Variants in FCHSD2 observed in about 807,000 individuals in gnomAD.
FCHSD2 encodes FCH and double SH3 domains 2.
Under a neutral mutation model 108.1 loss-of-function variants are expected in FCHSD2, and 38 were observed. The ratio of observed to expected loss-of-function variants is 0.35; its 90% CI spans 0.27 to 0.46. The LOEUF is 0.46. FCHSD2 is among the 20% of genes least tolerant of loss of function. FCHSD2 has a pLI of 1.00. For synonymous variants in FCHSD2, 279 were observed against 314.7 expected (o/e 0.89, Z 1.20); for missense variants, 751 against 897.8 (o/e 0.84, Z 2.09).
chr11:72,882,727 G>A (rs530991529), intron 12 of FCHSD2, among the ~76,000 whole-genome samples: 1 of 152,258 alleles, frequency 6.6e-6, no homozygotes, highest in Non-Finnish European at 1.5e-5. Flanking sequence ...AATAAATAGA[G>A]AGACACATCA....
At chr11:72,916,400 A>G (rs1855875539) in intron 9 of FCHSD2, among the ~76,000 whole-genome samples, 1 of 150,470 alleles carries the variant, frequency 6.6e-6, no homozygotes, top group Non-Finnish European at 1.5e-5. Flanking sequence ...GCAGCTTCCA[A>G]TTCCTGGGCT....
intron 5 of FCHSD2, among the ~76,000 whole-genome samples, chr11:72,993,520 C>A (rs952943148): frequency 1.3e-5 from 2 of 152,110 alleles, no homozygotes; most frequent in African/African-American, 4.8e-5. Flanking sequence ...AAATGTCCAA[C>A]AATGATAGAC....
intron 2 of FCHSD2, among the ~76,000 whole-genome samples, chr11:73,091,497 C>T (rs1425207429): frequency 6.6e-6 from 1 of 150,970 alleles, no homozygotes; most frequent in African/African-American, 2.4e-5. Flanking sequence ...TGCAGTGAGC[C>T]GAGATCATGC....
At chr11:73,024,955 C>A (rs544713892) in intron 3 of FCHSD2, among the ~76,000 whole-genome samples, 3 of 152,268 alleles carry the variant, frequency 2.0e-5, no homozygotes, top group African/African-American at 7.2e-5. Context: ...TATCTAACAC[C>A]AGTCCAAATG....
chr11:72,932,608 G>A (rs1214945932), intron 8 of FCHSD2, among the ~76,000 whole-genome samples: 1 of 152,014 alleles, frequency 6.6e-6, no homozygotes, highest in Non-Finnish European at 1.5e-5. Flanking sequence ...CTCTCCCATG[G>A]TTTGGCTCAC....
chr11:73,029,446 G>T (rs755688763), intron 3 of FCHSD2, among the ~76,000 whole-genome samples: 4 of 152,174 alleles, frequency 2.6e-5, no homozygotes, highest in African/African-American at 9.7e-5. Flanking sequence ...GTCAATTTCA[G>T]CTCTTAGCTC....
chr11:73,037,162 TGAGA>T (rs1209521918), intron 3 of FCHSD2, among the ~76,000 whole-genome samples: 3 of 152,178 alleles, frequency 2.0e-5, no homozygotes, highest in Non-Finnish European at 4.4e-5. Flanking sequence ...ATGGCAAAAT[TGAGA>T]GAAAGGTACA....
At chr11:73,074,847 G>A (rs887723833) in intron 3 of FCHSD2, among the ~76,000 whole-genome samples, 1 of 152,102 alleles carries the variant, frequency 6.6e-6, no homozygotes, top group Non-Finnish European at 1.5e-5. Context: ...AGGAGTTCGA[G>A]GCTGTAGTGA....
At chr11:72,983,565 T>C (rs900171370) in intron 8 of FCHSD2, among the ~76,000 whole-genome samples, 1 of 152,172 alleles carries the variant, frequency 6.6e-6, no homozygotes, top group Non-Finnish European at 1.5e-5. Context: ...AGATACACTA[T>C]AAAAATATAT....
intron 9 of FCHSD2, among the ~76,000 whole-genome samples, chr11:72,912,527 G>C (rs1855784689): frequency 6.6e-6 from 1 of 152,272 alleles, no homozygotes. Context: ...CAGTTTGCTA[G>C]TATTTTGTTG....
intron 8 of FCHSD2, among the ~76,000 whole-genome samples, chr11:72,974,411 A>G (rs1452044123): frequency 6.6e-6 from 1 of 152,228 alleles, no homozygotes; most frequent in African/African-American, 2.4e-5. Flanking sequence ...ACCTTTTAAA[A>G]GTCCCACTTC....
intron 10 of FCHSD2, among the ~76,000 whole-genome samples, chr11:72,899,837 A>T (rs1855492057): frequency 6.6e-6 from 1 of 151,962 alleles, no homozygotes; most frequent in Non-Finnish European, 1.5e-5. Flanking sequence ...GAAAAAACTA[A>T]TTGCTTCCCA....
At chr11:72,930,172 TC>T (rs1856160318) in intron 8 of FCHSD2, among the ~76,000 whole-genome samples, 1 of 152,152 alleles carries the variant, frequency 6.6e-6, no homozygotes, top group Non-Finnish European at 1.5e-5. Context: ...ATAATGTTGC[TC>T]CATGAATGTA....
chr11:72,861,228 T>G (rs1342884500), intron 13 of FCHSD2, among the ~76,000 whole-genome samples: 1 of 151,966 alleles, frequency 6.6e-6, no homozygotes, highest in Non-Finnish European at 1.5e-5. Context: ...TTCCAGATAA[T>G]CAAAGGATAA....
chr11:73,138,810 G>A (rs1424158692), intron 2 of FCHSD2, among the ~76,000 whole-genome samples: 2 of 152,072 alleles, frequency 1.3e-5, no homozygotes, highest in Non-Finnish European at 2.9e-5. Context: ...GTTTTATCAT[G>A]TTGGCCAGGC....
intron 3 of FCHSD2, among the ~76,000 whole-genome samples, chr11:73,067,989 C>T (rs569138379): frequency 5.3e-5 from 8 of 152,134 alleles, no homozygotes; most frequent in African/African-American, 1.9e-4. Context: ...GTGACAGACA[C>T]GAGAGAATAA....
intron 3 of FCHSD2, among the ~76,000 whole-genome samples, chr11:73,069,207 A>T (rs993802882): frequency 6.8e-6 from 1 of 148,046 alleles, no homozygotes; most frequent in Non-Finnish European, 1.5e-5. Flanking sequence ...GCCACTCGGG[A>T]GGCTGAGGCA....
intron 2 of FCHSD2, among the ~76,000 whole-genome samples, chr11:73,095,139 A>G (rs1860045824): frequency 6.6e-6 from 1 of 152,184 alleles, no homozygotes; most frequent in Admixed American, 6.5e-5. Flanking sequence ...AAGTGTTCTT[A>G]TTTCTTATTA....
intron 8 of FCHSD2, among the ~76,000 whole-genome samples, chr11:72,928,776 G>T (rs889352127): frequency 6.6e-6 from 1 of 152,016 alleles, no homozygotes; most frequent in Admixed American, 6.6e-5. Flanking sequence ...CAACGTGCAG[G>T]TTTGTTACAT....
Sources: gnomAD v4.1 joint callset for allele counts (sites outside exome capture counted in the v4.1 genomes callset) on GRCh38, gnomAD v4.1.1 for gene constraint, MANE v1.5 for transcripts, NCBI Gene and HGNC (gene_info 2026-07-23, HGNC 2026-07-21) for gene names.